The following HLCS variants were observed in gnomAD, a reference collection of about 807,000 sequenced individuals.
HLCS encodes biotin--protein ligase.
Under a neutral mutation model 75.0 loss-of-function variants are expected in HLCS, and 53 were observed. The ratio of observed to expected loss-of-function variants is 0.71; its 90% CI spans 0.57 to 0.89. HLCS has a LOEUF of 0.89. Among genes scored for constraint, HLCS ranks in the 40% least tolerant of loss-of-function variants. HLCS has a pLI of 0.00. For missense variants in HLCS, 966 were observed against 1,074.0 expected, an observed-to-expected ratio of 0.90 and a Z score of 1.41; for synonymous variants, 431 against 428.6, an observed-to-expected ratio of 1.01 and a Z score of -0.07.
chr21:36,841,893 G>A (rs2062628623), intron 6 of HLCS, among the ~76,000 whole-genome samples: 1 of 152,168 alleles, frequency 6.6e-6, no homozygotes. Context: ...ACCCTCAGCT[G>A]TCATCCACAG....
At chr21:36,916,378 A>G (rs1476055100) in intron 5 of HLCS, among the ~76,000 whole-genome samples, 1 of 152,024 alleles carries the variant, frequency 6.6e-6, no homozygotes, top group Non-Finnish European at 1.5e-5. Context: ...TTTAAGAGAT[A>G]GGGTCTTGCT....
chr21:36,894,732 C>T (rs1310825214), intron 6 of HLCS, among the ~76,000 whole-genome samples: 1 of 152,158 alleles, frequency 6.6e-6, no homozygotes, highest in East Asian at 1.9e-4. Flanking sequence ...ATATTTTTCC[C>T]CTTTGTAAAA....
intron 6 of HLCS, among the ~76,000 whole-genome samples, chr21:36,859,399 C>T (rs2063310036): frequency 6.6e-6 from 1 of 152,320 alleles, no homozygotes; most frequent in African/African-American, 2.4e-5. Context: ...TGGCTTCTCA[C>T]AAATGGTTTC....
intron 6 of HLCS, among the ~76,000 whole-genome samples, chr21:36,895,317 A>G (rs1205569717): frequency 6.6e-6 from 1 of 152,184 alleles, no homozygotes; most frequent in African/African-American, 2.4e-5. Flanking sequence ...TCGCTTGAGT[A>G]ACAAAGGATT....
At chr21:36,809,340 A>G (rs2061445134) in intron 6 of HLCS, among the ~76,000 whole-genome samples, 1 of 152,160 alleles carries the variant, frequency 6.6e-6, no homozygotes, top group Non-Finnish European at 1.5e-5. Flanking sequence ...TTATTACTGT[A>G]TGGCTTTTCT....
intron 5 of HLCS, among the ~76,000 whole-genome samples, chr21:36,898,502 G>C (rs1413901100): frequency 1.3e-5 from 2 of 149,960 alleles, no homozygotes; most frequent in East Asian, 3.9e-4. Flanking sequence ...AAATCCAGGG[G>C]ATAAAACATT....
Position 36,882,346 on chromosome 21 carries a change from C to T in HLCS, c.1892+14514G>A, listed in dbSNP as rs191340832. Among the ~76,000 whole-genome samples, 5 of 152,090 alleles carry T rather than the reference C, an allele frequency of 3.3e-5. No individual in the cohort carries two copies. The East Asian group carries it at 5.8e-4, about 18-fold the overall frequency. On this transcript the variant is annotated intron_variant, in intron 6 of 10. Transcript: ENST00000674895. ...TAATCTCACAGATGAGAAACAGACC[C>T]GGAGAGGCTGAGTGATTCACCAACA... is the stretch of plus-strand genomic sequence containing the variant.
chr21:36,860,208 T>TTTTTC (rs1875176970), intron 6 of HLCS, among the ~76,000 whole-genome samples: 1 of 152,224 alleles, frequency 6.6e-6, no homozygotes, highest in African/African-American at 2.4e-5. Flanking sequence ...CTATTCCTTT[T>TTTTTC]TTTCAAATGA....
chr21:36,834,454 C>T (rs921802618), intron 6 of HLCS, among the ~76,000 whole-genome samples: 3 of 152,224 alleles, frequency 2.0e-5, no homozygotes, highest in African/African-American at 4.8e-5. Flanking sequence ...GCCAGAGAGG[C>T]CAATCCCAAG....
intron 6 of HLCS, among the ~76,000 whole-genome samples, chr21:36,869,792 T>C (rs926324330): frequency 6.6e-6 from 1 of 152,208 alleles, no homozygotes; most frequent in Non-Finnish European, 1.5e-5. Context: ...TTATAACATC[T>C]GGGTTAAAAT....
chr21:36,945,208 G>A (rs2067330249), intron 2 of HLCS, among the ~76,000 whole-genome samples: 1 of 151,952 alleles, frequency 6.6e-6, no homozygotes, highest in Non-Finnish European at 1.5e-5. Flanking sequence ...GGTGACTACA[G>A]GTTTTTTTTT....
chr21:36,910,573 ATAGGAC>A (rs1036593085), intron 5 of HLCS, among the ~76,000 whole-genome samples: 2 of 151,974 alleles, frequency 1.3e-5, no homozygotes, highest in African/African-American at 4.8e-5. Flanking sequence ...CGCTCCTGAA[ATAGGAC>A]TATTTTTTTT....
In HLCS at chr21:36,937,382, C is replaced by T. The variant is rs2066944309; in HGVS notation, c.504G>A (p.Leu168=). 6.2e-7 allele frequency: 1 copy of T among 1,613,458 alleles called. No homozygotes were observed. The highest frequency in any genetic ancestry group is 1.3e-5 in the African/African-American group (1 of 75,048). Residue 168 remains leucine (L), a synonymous_variant, in exon 4 of 11, where the codon TTG becomes TTA. Coordinates refer to ENST00000674895, the MANE Select transcript of HLCS (RefSeq NM_001352514.2). ...TAACTTCCTTCAGAGTGGAGTCCTG[C>T]AAGTGCACCGCTAAGGCATGAATAG... The part of the protein sequence containing the change: ...LVPQKIVSVH[L]QDSTLKEVKD...
chr21:36,760,156 C>A (rs985697971), intron 8 of HLCS, among the ~76,000 whole-genome samples: 15 of 152,074 alleles, frequency 9.9e-5, no homozygotes, highest in African/African-American at 3.6e-4. Flanking sequence ...TCAGTATCCA[C>A]CACCACCACC....
At chr21:36,755,597 C>T (rs918835725) in intron 10 of HLCS, among the ~76,000 whole-genome samples, 4 of 152,206 alleles carry the variant, frequency 2.6e-5, no homozygotes, top group African/African-American at 4.8e-5. Context: ...TCCTTTGTGG[C>T]TATTTCCCTC....
chr21:36,945,762 T>C (rs7280331), intron 2 of HLCS, among the ~76,000 whole-genome samples: 4,432 of 152,308 alleles, frequency 0.029, 201 homozygotes, highest in African/African-American at 0.1. Flanking sequence ...TTTGTGAATA[T>C]ACTAAAAACT....
chr21:36,801,838 T>C (rs568891432), intron 6 of HLCS, among the ~76,000 whole-genome samples: 149 of 152,224 alleles, frequency 9.8e-4, no homozygotes, highest in Non-Finnish European at 1.6e-3. Context: ...CTAACTATGT[T>C]GCCCAAGCTG....
At chr21:36,979,322 T>C (rs2835554) in intron 1 of HLCS, among the ~76,000 whole-genome samples, 56,225 of 151,168 alleles carry the variant, frequency 0.37, 10,567 homozygotes, top group East Asian at 0.5. Flanking sequence ...TTATAAACCC[T>C]TGATGCTATA....
chr21:36,864,091 T>TCC (rs2063473245), intron 6 of HLCS, among the ~76,000 whole-genome samples: 1 of 152,198 alleles, frequency 6.6e-6, no homozygotes, highest in Admixed American at 6.5e-5. Flanking sequence ...AAATGTGTTA[T>TCC]CCACCATCAT....
Sources: gnomAD v4.1 joint callset for allele counts (sites outside exome capture counted in the v4.1 genomes callset) on GRCh38, gnomAD v4.1.1 for gene constraint, MANE v1.5 for transcripts, NCBI Gene and HGNC (gene_info 2026-07-23, HGNC 2026-07-21) for gene names.